SHTN1: variants seen among roughly 807,000 people sequenced by gnomAD.
The protein encoded by SHTN1 is shootin 1.
SHTN1 carries 42 observed loss-of-function variants against 83.1 expected under a neutral mutation model. The ratio of observed to expected loss-of-function variants is 0.51; its 90% CI spans 0.39 to 0.65. The LOEUF (loss-of-function observed/expected upper bound fraction) is 0.65, where lower values mean the gene tolerates loss of function less well. Among genes scored for constraint, SHTN1 ranks in the 30% least tolerant of loss-of-function variants. SHTN1 has a pLI of 0.00. For missense variants in SHTN1, 622 were observed against 737.8 expected (o/e 0.84, Z 1.82); for synonymous variants, 224 against 247.7 (o/e 0.90, Z 0.90).
At chr10:117,034,444 C>G (rs1490490529) in intron 2 of SHTN1, among the ~76,000 whole-genome samples, 1 of 152,138 alleles carries the variant, frequency 6.6e-6, no homozygotes, top group African/African-American at 2.4e-5. Context: ...GAGTTCAAGA[C>G]CAGCCTGGCC....
chr10:116,881,962 C>T lies in SHTN1; in HGVS notation c.*4382G>A, dbSNP rs1847029128. The T allele has an allele frequency of 3.9e-6, 1 of 258,874 alleles. No individual in the cohort carries two copies. Among genetic ancestry groups the T allele is most frequent in the South Asian group, 1.4e-4 (1 of 6,992 alleles). The allele number at this position is 258,874 out of a possible 1,614,324, so 16.0% of individuals were successfully genotyped here. A position where few individuals can be genotyped will look rare whatever the true frequency, so the allele number is the denominator to read the frequency against. ...TAAAAGAGGCCAATATTTTTGTTGC[C>T]AACTCCACACTCAGTCAAACACCCC... On this transcript the variant is annotated 3_prime_UTR_variant, in exon 17 of 17. Coordinates refer to ENST00000355371, the MANE Select transcript of SHTN1 (RefSeq NM_001127211.3).
At chr10:116,966,100 T>G (rs919528814) in intron 3 of SHTN1, among the ~76,000 whole-genome samples, 1 of 152,112 alleles carries the variant, frequency 6.6e-6, no homozygotes, top group Non-Finnish European at 1.5e-5. Context: ...TCCGCCTCCC[T>G]GGTTCAAGTG....
chr10:117,005,966 C>G (rs1851999633), upstream of SHTN1, among the ~76,000 whole-genome samples: 1 of 152,176 alleles, frequency 6.6e-6, no homozygotes, highest in Non-Finnish European at 1.5e-5. Context: ...TTAAGCCAAG[C>G]GTTTGTCCCA....
intron 16 of SHTN1, chr10:116,900,465 A>G (rs978527130): frequency 2.3e-5 from 30 of 1,304,986 alleles, no homozygotes; most frequent in Non-Finnish European, 3.1e-5. Context: ...TTGGAAATGT[A>G]ATTTCCACTT....
At chr10:117,054,771 C>T (rs1852804049) in intron 1 of SHTN1, among the ~76,000 whole-genome samples, 1 of 152,084 alleles carries the variant, frequency 6.6e-6, no homozygotes, top group Non-Finnish European at 1.5e-5. Flanking sequence ...GAGCCTTACT[C>T]CTTTAACTGC....
At chr10:117,126,314 C>G in exon 1 of SHTN1, 1 of 163,316 alleles carries the variant, frequency 6.1e-6, no homozygotes, top group South Asian at 1.5e-4. Flanking sequence ...TACCACTTTC[C>G]TGGTGAGGCC....
chr10:117,085,826 GT>G (rs986733625), intron 1 of SHTN1, among the ~76,000 whole-genome samples: 40 of 149,860 alleles, frequency 2.7e-4, no homozygotes, highest in African/African-American at 9.3e-4. Context: ...CATTAAAATT[GT>G]TATTTTTTTT....
At chr10:117,045,509 C>T (rs1381689539) in intron 2 of SHTN1, among the ~76,000 whole-genome samples, 1 of 152,070 alleles carries the variant, frequency 6.6e-6, no homozygotes, top group African/African-American at 2.4e-5. Context: ...ATTCCACATC[C>T]CAGACCTTAT....
rs557814066 is a variant in SHTN1 at position 116,963,515 on chromosome 10, G to GA, written c.173-3286dup. Among the ~76,000 whole-genome samples, 316 of 152,112 alleles carry GA rather than the reference G, an allele frequency of 2.1e-3. 2 individuals carry two copies. Among genetic ancestry groups the GA allele is most frequent in the African/African-American group, 7.2e-3 (298 of 41,522 alleles). ...TTTGGATGACATGAGGTTTAAAAAA[G>GA]AAAAAAGATGAACTTTTAATAAAGT... On this transcript the variant is annotated intron_variant, in intron 3 of 16. Transcript: ENST00000355371.
At position 117,037,809 on chromosome 10, in the gene SHTN1, C is replaced by T. The variant is rs755536223; in HGVS notation, c.-123+10636G>A. 4.6e-5 allele frequency among the ~76,000 whole-genome samples: 7 copies of T among 151,974 alleles called. No individual in the cohort carries two copies. In the East Asian group the frequency reaches 5.8e-4, roughly 13 times the overall value. The stretch of plus-strand genomic sequence containing the variant: ...GATCACAAGATCAGGAGTTCGAGAC[C>T]GTCCTGGCCAATATGGTGAAACCCC... On this transcript the variant is annotated intron_variant, in intron 2 of 17. Transcript: ENST00000392901.
At chr10:116,888,720 G>GT (rs1159864663) in intron 16 of SHTN1, among the ~76,000 whole-genome samples, 1 of 152,162 alleles carries the variant, frequency 6.6e-6, no homozygotes, top group Non-Finnish European at 1.5e-5. Context: ...TGCCAGTTAG[G>GT]TGAGTCAGCA....
intron 15 of SHTN1, among the ~76,000 whole-genome samples, chr10:116,904,178 C>T (rs542749502): frequency 1.5e-4 from 23 of 152,256 alleles, no homozygotes; most frequent in Admixed American, 1.4e-3. Context: ...GAAAACCACC[C>T]CAGAGATTCA....
chr10:116,930,774 T>G (rs983858506), intron 9 of SHTN1, among the ~76,000 whole-genome samples: 4 of 152,188 alleles, frequency 2.6e-5, no homozygotes, highest in Non-Finnish European at 5.9e-5. Flanking sequence ...TGAATGGTAT[T>G]TCTGTGTTAA....
At position 116,948,947 on chromosome 10, in the gene SHTN1, T is replaced by C; in HGVS notation, c.585A>G (p.Glu195=). 3.2e-6 allele frequency: 5 copies of C among 1,577,600 alleles called. No homozygotes were observed. The highest frequency in any genetic ancestry group is 4.3e-6 in the Non-Finnish European group (5 of 1,162,872). ...TGCATTTTTCTAAGACTTTTCTCTG[T>C]TCAAGAACTTCTGAATTTAAAACAG... is the stretch of plus-strand genomic sequence containing the variant. ...EKTVLNSEVL[E]QRKVLEKCNR... is the part of the protein sequence containing the mutation. The change falls in exon 7 of 17, where the codon GAA becomes GAG. Residue 195 remains glutamate, a synonymous_variant. Coordinates refer to ENST00000355371, the MANE Select transcript of SHTN1 (RefSeq NM_001127211.3).
intron 1 of SHTN1, among the ~76,000 whole-genome samples, chr10:117,102,147 C>G (rs1853603239): frequency 6.6e-6 from 1 of 151,928 alleles, no homozygotes; most frequent in Non-Finnish European, 1.5e-5. Flanking sequence ...ACAGACCCTG[C>G]TGTTTTCTGA....
chr10:117,099,076 A>C (rs1853551209), intron 1 of SHTN1, among the ~76,000 whole-genome samples: 1 of 151,000 alleles, frequency 6.6e-6, no homozygotes, highest in Non-Finnish European at 1.5e-5. Flanking sequence ...TGTCTTTTGC[A>C]ACCACTTGAA....
chr10:117,037,998 C>CAAAAAAAA (rs71013632), intron 2 of SHTN1, among the ~76,000 whole-genome samples: 2 of 75,480 alleles, frequency 2.6e-5, no homozygotes, highest in African/African-American at 1.1e-4. Flanking sequence ...AGCGAGACTT[C>CAAAAAAAA]AAAAAAAAAA....
rs368750401 is a variant in SHTN1, at chr10:117,123,907, C to CAAA, written c.-189+2397_-189+2399dup. Among the ~76,000 whole-genome samples, 1,082 of 81,358 alleles carry CAAA rather than the reference C, an allele frequency of 0.013. 45 individuals carry two copies. The East Asian group carries it at 0.17, about 12-fold the overall frequency. 53.4% of individuals were successfully genotyped at this position (81,358 alleles called of 152,430 possible). A position where few individuals can be genotyped will look rare whatever the true frequency, so the allele number is the denominator to read the frequency against. On this transcript the variant is annotated intron_variant, in intron 1 of 17. Coordinates refer to the SHTN1 transcript ENST00000392901. ...GGTGACAGAACAAGACCCTGTCTCA[C>CAAA]AAAAAAAAAAAAAAAAATTGCTGGC...
intron 1 of SHTN1, among the ~76,000 whole-genome samples, chr10:116,984,605 A>G (rs1485801716): frequency 1.3e-5 from 2 of 152,058 alleles, no homozygotes; most frequent in African/African-American, 2.4e-5. Context: ...TTCTCCCTCC[A>G]AAGGATCATC....
Sources: gnomAD v4.1 joint callset for allele counts (sites outside exome capture counted in the v4.1 genomes callset) on GRCh38, gnomAD v4.1.1 for gene constraint, MANE v1.5 for transcripts, NCBI Gene and HGNC (gene_info 2026-07-23, HGNC 2026-07-21) for gene names.